ELOVL7: variants seen among roughly 807,000 people sequenced by gnomAD.
ELOVL7 encodes the protein ELOVL fatty acid elongase 7.
Under a neutral mutation model 35.7 loss-of-function variants are expected in ELOVL7, and 27 were observed. That is an observed-to-expected ratio of 0.76 (90% confidence interval 0.56 to 1.04). ELOVL7 has a LOEUF of 1.04. Among genes scored for constraint, ELOVL7 ranks in the 50% least tolerant of loss-of-function variants. The pLI, the probability that ELOVL7 is intolerant of heterozygous loss-of-function variation, is 0.00. For missense variants in ELOVL7, 327 were observed against 340.8 expected, an observed-to-expected ratio of 0.96 and a Z score of 0.32; for synonymous variants, 113 against 114.6, an observed-to-expected ratio of 0.99 and a Z score of 0.09.
At chr5:60,807,064 C>T (rs887888267) in intron 1 of ELOVL7, among the ~76,000 whole-genome samples, 2 of 152,168 alleles carry the variant, frequency 1.3e-5, no homozygotes, top group East Asian at 3.9e-4. Context: ...CCCAACATGG[C>T]CTCTTCCCCC....
At chr5:60,769,799 T>C (rs1048592326) in intron 4 of ELOVL7, among the ~76,000 whole-genome samples, 2 of 152,122 alleles carry the variant, frequency 1.3e-5, no homozygotes, top group Admixed American at 6.6e-5. Context: ...CCTGTAATCC[T>C]AGCACTTTGG....
At chr5:60,843,967 G>T (rs1195582773) in intron 1 of ELOVL7, among the ~76,000 whole-genome samples, 193 bp downstream of exon 1, 2 of 152,092 alleles carry the variant, frequency 1.3e-5, no homozygotes, top group African/African-American at 4.8e-5. Flanking sequence ...CGCCTCCCGA[G>T]CCCAGGGAGG....
rs1417102814 is a variant in ELOVL7 at position 60,829,101 on chromosome 5, A to G, written c.-86+15059T>C. Among the ~76,000 whole-genome samples, 9 of 152,142 alleles carry G rather than the reference A, an allele frequency of 5.9e-5. 1 individual carries two copies. The highest frequency in any genetic ancestry group is 1.9e-4 in the African/African-American group (8 of 41,458). On this transcript the variant is annotated intron_variant, in intron 1 of 8. Transcript: ENST00000508821. ...ATAAATGTTTAGAAATTTCTATAAT[A>G]AGAGTTTTTTAAGAAAGAAATAAAA...
intron 1 of ELOVL7, among the ~76,000 whole-genome samples, chr5:60,820,504 T>A (rs1009823194): frequency 2.6e-5 from 4 of 152,210 alleles, no homozygotes; most frequent in Admixed American, 2.0e-4. Flanking sequence ...GTGACCAGTG[T>A]CTGGGATAGA....
chr5:60,837,887 G>C (rs1357127676), intron 1 of ELOVL7, among the ~76,000 whole-genome samples: 1 of 152,172 alleles, frequency 6.6e-6, no homozygotes, highest in Non-Finnish European at 1.5e-5. Context: ...AGTAAGCCAA[G>C]AGCATGCCAT....
At chr5:60,843,727 C>G (rs2112426751) in intron 1 of ELOVL7, among the ~76,000 whole-genome samples, 1 of 152,296 alleles carries the variant, frequency 6.6e-6, no homozygotes, top group African/African-American at 2.4e-5. Context: ...CCTCCCAGTC[C>G]CGCCGGCGAG....
chr5:60,756,560 G>A (rs1418165266), intron 8 of ELOVL7, among the ~76,000 whole-genome samples: 1 of 152,058 alleles, frequency 6.6e-6, no homozygotes, highest in African/African-American at 2.4e-5. Context: ...CATTTAGTTT[G>A]CTGCCAATTT....
intron 3 of ELOVL7, among the ~76,000 whole-genome samples, chr5:60,779,336 T>C (rs1743095549): frequency 6.6e-6 from 1 of 152,194 alleles, no homozygotes; most frequent in African/African-American, 2.4e-5. Flanking sequence ...ATTGACCTAG[T>C]AGAGGCTCTC....
chr5:60,835,457 G>C (rs1746740244), intron 1 of ELOVL7, among the ~76,000 whole-genome samples: 1 of 151,806 alleles, frequency 6.6e-6, no homozygotes, highest in Non-Finnish European at 1.5e-5. Flanking sequence ...TGTCATCGAG[G>C]CTGAAGTACA....
intron 1 of ELOVL7, among the ~76,000 whole-genome samples, chr5:60,840,000 G>T (rs151162718): frequency 6.6e-6 from 1 of 152,008 alleles, no homozygotes; most frequent in African/African-American, 2.4e-5. Flanking sequence ...ACCCTGTCTC[G>T]GGGGGAGAAA....
At chr5:60,841,342 C>T (rs1169441026) in intron 1 of ELOVL7, among the ~76,000 whole-genome samples, 1 of 151,950 alleles carries the variant, frequency 6.6e-6, no homozygotes, top group African/African-American at 2.4e-5. Flanking sequence ...TACTAAAATA[C>T]TATATGGAGT....
intron 1 of ELOVL7, among the ~76,000 whole-genome samples, chr5:60,813,114 T>C (rs1745324036): frequency 6.6e-6 from 1 of 152,214 alleles, no homozygotes; most frequent in African/African-American, 2.4e-5. Context: ...GGAACTCATC[T>C]TGCCCAGCTT....
In ELOVL7 at chr5:60,757,497, T is replaced by C; in HGVS notation, c.636+12A>G. 6.2e-7 allele frequency: 1 copy of C among 1,612,426 alleles called. No homozygotes were observed. Among genetic ancestry groups the C allele is most frequent in the Non-Finnish European group, 8.5e-7 (1 of 1,179,104 alleles). ...GCTTCATATATGGTTTTAAAGACAATTAATTACTCACAAGCTGTAATGATG... is the reference window on the plus strand; with the variant it reads ...GCTTCATATATGGTTTTAAAGACAACTAATTACTCACAAGCTGTAATGATG... On this transcript the variant is annotated intron_variant, in intron 8 of 8. Transcript: ENST00000508821.
At chr5:60,834,844 CACTT>C (rs955321562) in intron 1 of ELOVL7, among the ~76,000 whole-genome samples, 23 of 150,556 alleles carry the variant, frequency 1.5e-4, no homozygotes, top group Non-Finnish European at 2.5e-4. Context: ...ATACTATAAA[CACTT>C]ACTTTTTAAA....
chr5:60,806,567 G>T (rs956693447), intron 1 of ELOVL7, among the ~76,000 whole-genome samples: 1 of 151,912 alleles, frequency 6.6e-6, no homozygotes, highest in African/African-American at 2.4e-5. Context: ...AAGCTGCCTG[G>T]TAGGAGCTTC....
intron 1 of ELOVL7, among the ~76,000 whole-genome samples, chr5:60,828,107 C>A (rs1746279762): frequency 6.6e-6 from 1 of 152,132 alleles, no homozygotes; most frequent in Admixed American, 6.5e-5. Flanking sequence ...CTTTTCAGAA[C>A]CCTCTAGCAA....
chr5:60,757,778 A>G (rs1584144348), intron 7 of ELOVL7, 133 bp from the exon 8 acceptor site: 7 of 697,348 alleles, frequency 1.0e-5, no homozygotes, highest in African/African-American at 3.6e-5. Flanking sequence ...ATCCTGTTAA[A>G]CAACTATCAA....
chr5:60,823,040 T>G (rs972913681), intron 1 of ELOVL7, among the ~76,000 whole-genome samples: 2 of 152,074 alleles, frequency 1.3e-5, no homozygotes, highest in African/African-American at 4.8e-5. Flanking sequence ...TCACGAAGCC[T>G]GGTGGTGAAG....
intron 1 of ELOVL7, among the ~76,000 whole-genome samples, chr5:60,835,650 T>G (rs1746754339): frequency 6.6e-6 from 1 of 151,954 alleles, no homozygotes; most frequent in Non-Finnish European, 1.5e-5. Context: ...TGTCCTCAAG[T>G]GATCCTCCCA....
Sources: gnomAD v4.1 joint callset for allele counts (sites outside exome capture counted in the v4.1 genomes callset) on GRCh38, gnomAD v4.1.1 for gene constraint, MANE v1.5 for transcripts, NCBI Gene and HGNC (gene_info 2026-07-23, HGNC 2026-07-21) for gene names.